MRTFA: variants seen among roughly 807,000 people sequenced by gnomAD.
MRTFA encodes the protein myocardin related transcription factor A.
In MRTFA, 20 loss-of-function variants were observed where a neutral mutation model predicts 83.5. The ratio of observed to expected loss-of-function variants is 0.24; its 90% CI spans 0.17 to 0.35. MRTFA has a LOEUF of 0.35. Among genes scored for constraint, MRTFA ranks in the 10% least tolerant of loss-of-function variants. The probability of loss-of-function intolerance (pLI) is 1.00; values close to 1 mark genes in which losing one functional copy is unlikely to be tolerated. For missense variants in MRTFA, 1,200 were observed against 1,224.7 expected, an observed-to-expected ratio of 0.98 and a Z score of 0.30; for synonymous variants, 659 against 541.2, an observed-to-expected ratio of 1.22 and a Z score of -3.02.
intron 4 of MRTFA, among the ~76,000 whole-genome samples, chr22:40,458,810 G>A (rs28552449): frequency 0.12 from 18,938 of 152,002 alleles, 1,368 homozygotes; most frequent in East Asian, 0.24. Flanking sequence ...GGGCGTGGAG[G>A]CTCATGCCTG....
chr22:40,596,783 T>G (rs1238590232), intron 1 of MRTFA, among the ~76,000 whole-genome samples: 1 of 151,834 alleles, frequency 6.6e-6, no homozygotes, highest in Non-Finnish European at 1.5e-5. Context: ...CTAGCCTGGG[T>G]AACAGAGCGA....
chr22:40,492,383 A>C (rs1437716309), intron 3 of MRTFA, among the ~76,000 whole-genome samples: 2 of 152,218 alleles, frequency 1.3e-5, no homozygotes, highest in Non-Finnish European at 2.9e-5. Context: ...TCCTGTCAGC[A>C]CTGGGCCTAG....
intron 1 of MRTFA, among the ~76,000 whole-genome samples, chr22:40,605,334 A>C (rs1007081972): frequency 1.3e-5 from 2 of 152,238 alleles, no homozygotes; most frequent in Non-Finnish European, 2.9e-5. Flanking sequence ...CCAGCAAAGA[A>C]GGGACTTTTG....
At position 40,424,356 on chromosome 22, in the gene MRTFA, T is replaced by A. The variant is rs1051527809; in HGVS notation, c.627A>T (p.Val209=). Residue 209 remains valine, a synonymous_variant, in exon 8 of 15, where the codon GTA becomes GTT. Coordinates refer to ENST00000355630, the MANE Select transcript of MRTFA (RefSeq NM_020831.6). ...CCTCATCGAAGGAAGAGCTGTCTGC[T>A]ACTTTGGGATAGTTCACCTGGCCCA... The A allele has an allele frequency of 1.2e-6, 2 of 1,613,490 alleles. No individual in the cohort carries two copies. Among genetic ancestry groups the A allele is most frequent in the African/African-American group, 2.7e-5 (2 of 74,892 alleles).
In MRTFA at chr22:40,417,060, G is replaced by GA. The variant is rs367823907; in HGVS notation, c.2518-15dup. On this transcript the variant is annotated splice_polypyrimidine_tract_variant and intron_variant, in intron 13 of 14. Coordinates refer to ENST00000355630, the MANE Select transcript of MRTFA (RefSeq NM_020831.6). The stretch of plus-strand genomic sequence containing the variant: ...GGAACCATTTTCCTGTGGGACAAAG[G>GA]AAAAAAAAAAAAGAGATAAAAATCT... 0.071 allele frequency: 66,527 copies of GA among 942,852 alleles called. No individual in the cohort carries two copies. The highest frequency in any genetic ancestry group is 0.08 in the Non-Finnish European group (54,294 of 674,766). The allele number at this position is 942,852 out of a possible 1,614,324, so 58.4% of individuals were successfully genotyped here. A position where few individuals can be genotyped will look rare whatever the true frequency, so the allele number is the denominator to read the frequency against.
intron 3 of MRTFA, among the ~76,000 whole-genome samples, chr22:40,499,932 T>C (rs1284442302): frequency 2.1e-5 from 3 of 145,700 alleles, no homozygotes; most frequent in Non-Finnish European, 4.5e-5. Flanking sequence ...TTTTTTTTTT[T>C]TTTTTTTGAG....
At chr22:40,496,783 T>C (rs1157176152) in intron 3 of MRTFA, among the ~76,000 whole-genome samples, 1 of 148,514 alleles carries the variant, frequency 6.7e-6, no homozygotes, top group African/African-American at 2.5e-5. Context: ...TTCTACATTT[T>C]CTACATCAAA....
chr22:40,504,935 C>T (rs1046049969), intron 3 of MRTFA, among the ~76,000 whole-genome samples: 1 of 152,218 alleles, frequency 6.6e-6, no homozygotes, highest in Admixed American at 6.5e-5. Context: ...GCTGTACCTT[C>T]AGGATAAAGT....
Position 40,476,143 on chromosome 22 carries a change from C to CAA in MRTFA, c.242-12859_242-12858dup, listed in dbSNP as rs35917164. On this transcript the variant is annotated intron_variant, in intron 3 of 14. Coordinates refer to ENST00000355630, the MANE Select transcript of MRTFA (RefSeq NM_020831.6). Reference sequence around the variant, plus strand: ...TGGGCGACAGAGCAAGACTCCGTCTCAAAAAAAAAAAAGGGGGGGGGTCTT... The same window carrying CAA: ...TGGGCGACAGAGCAAGACTCCGTCTCAAAAAAAAAAAAAAGGGGGGGGGTCTT... 7.2e-3 allele frequency among the ~76,000 whole-genome samples: 630 copies of CAA among 88,052 alleles called. 7 individuals are homozygous for CAA. Among genetic ancestry groups the CAA allele is most frequent in the Non-Finnish European group, 0.013 (563 of 43,908 alleles). 57.8% of individuals were successfully genotyped at this position (88,052 alleles called of 152,430 possible).
intron 2 of MRTFA, among the ~76,000 whole-genome samples, chr22:40,575,291 G>A (rs1001569002): frequency 3.3e-5 from 5 of 152,034 alleles, no homozygotes; most frequent in African/African-American, 9.7e-5. Flanking sequence ...ATACTCAAAC[G>A]CTCAGTAAAT....
chr22:40,524,140 A>AT (rs1569310816), intron 3 of MRTFA, among the ~76,000 whole-genome samples: 2 of 152,074 alleles, frequency 1.3e-5, no homozygotes, highest in African/African-American at 2.4e-5. Flanking sequence ...ATTAAAAAAA[A>AT]TTTTTTTAGC....
chr22:40,497,935 A>G (rs2054384049), intron 3 of MRTFA, among the ~76,000 whole-genome samples: 2 of 151,944 alleles, frequency 1.3e-5, no homozygotes, highest in South Asian at 4.2e-4. Context: ...GGAGTTGGAG[A>G]CCAGTCTGGG....
intron 3 of MRTFA, among the ~76,000 whole-genome samples, chr22:40,539,011 T>C (rs1306463323): frequency 6.8e-6 from 1 of 147,722 alleles, no homozygotes; most frequent in African/African-American, 2.5e-5. Flanking sequence ...TTTTTTTTTT[T>C]TGAGACAAAG....
At chr22:40,553,899 G>A (rs1370352108) in intron 2 of MRTFA, among the ~76,000 whole-genome samples, 1 of 152,200 alleles carries the variant, frequency 6.6e-6, no homozygotes, top group African/African-American at 2.4e-5. Flanking sequence ...AAGCCACAGA[G>A]GCAGAGCTGC....
chr22:40,539,216 T>C (rs1005916270), intron 3 of MRTFA, among the ~76,000 whole-genome samples: 12 of 151,758 alleles, frequency 7.9e-5, no homozygotes, highest in Non-Finnish European at 1.2e-4. Flanking sequence ...CCCAGGCTGG[T>C]CTTGAACTCC....
At chr22:40,438,624 T>G (rs981095042) in intron 4 of MRTFA, among the ~76,000 whole-genome samples, 1 of 152,248 alleles carries the variant, frequency 6.6e-6, no homozygotes, top group Admixed American at 6.5e-5. Flanking sequence ...GTTTCAGTTA[T>G]TCTAGGCCAA....
At position 40,419,383 on chromosome 22, in the gene MRTFA, A is replaced by G. The variant is rs756625279; in HGVS notation, c.1355T>C (p.Val452Ala). ...CTTCAGCTCCTGCTTCAGCTCTGCC[A>G]CCTGCAAGGCAGTCAAGAGTCAGGG... The change falls in exon 12 of 15, where the codon GTG becomes GCG. Residue 452 changes from valine to alanine, a missense_variant and splice_region_variant. Physicochemically the swap from Val to Ala is moderately conservative, Grantham distance 64 (BLOSUM62 0). Around this residue, in one of 2 missense-constraint regions of MRTFA, gnomAD observed 1,107 missense variants for 1,041.8 expected, o/e 1.06. Transcript: ENST00000355630. 1 of 1,613,182 alleles carries G rather than the reference A, an allele frequency of 6.2e-7. No individual in the cohort carries two copies. Among genetic ancestry groups the G allele is most frequent in the South Asian group, 1.1e-5 (1 of 91,076 alleles).
Position 40,435,533 on chromosome 22 carries a change from A to T in MRTFA, c.329T>A (p.Phe110Tyr), listed in dbSNP as rs770725459. 6.2e-7 allele frequency: 1 copy of T among 1,614,200 alleles called. No homozygotes were observed. The highest frequency in any genetic ancestry group is 8.5e-7 in the Non-Finnish European group (1 of 1,180,026). Reference sequence around the variant, plus strand: ...CTCCAAGCTCCTTCTCTGCTCATGAAATGCGGCTGGACTTTTCAAAGCTGT... The same window carrying T: ...CTCCAAGCTCCTTCTCTGCTCATGATATGCGGCTGGACTTTTCAAAGCTGT... The change falls in exon 5 of 15, where the codon TTT becomes TAT. Residue 110 changes from phenylalanine (F) to tyrosine (Y), a missense_variant. Physicochemically the swap from Phe to Tyr is conservative, Grantham distance 22. Around this residue, in one of 2 missense-constraint regions of MRTFA, gnomAD observed 93 missense variants for 182.9 expected, o/e 0.51. Transcript: ENST00000355630.
In MRTFA at chr22:40,607,934, G is replaced by C. The variant is rs550582983; in HGVS notation, c.-83-13199C>G. ...ATTAACAATCTCCAATATAATTAAAGTTGAGATTGTCATGGTAATAATTCC... is the reference window on the plus strand; with the variant it reads ...ATTAACAATCTCCAATATAATTAAACTTGAGATTGTCATGGTAATAATTCC... On this transcript the variant is annotated intron_variant, in intron 1 of 14. Coordinates refer to ENST00000355630, the MANE Select transcript of MRTFA (RefSeq NM_020831.6). 2.0e-3 allele frequency among the ~76,000 whole-genome samples: 307 copies of C among 152,308 alleles called. 1 individual carries two copies. The highest frequency in any genetic ancestry group is 7.0e-3 in the African/African-American group (291 of 41,578).
Sources: allele counts gnomAD v4.1 joint callset (sites outside exome capture counted in the v4.1 genomes callset), GRCh38; gene constraint gnomAD v4.1.1; regional missense constraint gnomAD v4.1.1; transcripts MANE v1.5; gene names NCBI Gene and HGNC (gene_info 2026-07-23, HGNC 2026-07-21).